NTNG1: variants seen among roughly 807,000 people sequenced by gnomAD.
NTNG1 encodes netrin G1, also known as netrin-G1.
In NTNG1, 16 loss-of-function variants were observed where a neutral mutation model predicts 54.0. That is an observed-to-expected ratio of 0.30 (90% CI 0.20 to 0.45). The LOEUF (loss-of-function observed/expected upper bound fraction) is 0.45, where lower values mean the gene tolerates loss of function less well. Among genes scored for constraint, NTNG1 ranks in the 20% least tolerant of loss-of-function variants. NTNG1 has a pLI of 1.00. For missense variants in NTNG1, 530 were observed against 678.7 expected (o/e 0.78, Z 2.43); for synonymous variants, 255 against 263.1 (o/e 0.97, Z 0.30).
chr1:107,258,775 G>A lies in NTNG1; in HGVS notation c.247-65507G>A, dbSNP rs373314802. ...ACAAGGGAGAGAGTTCAGATTCCAC[G>A]CAGTCAGCCCACTTTGGCAGGCGCA... On this transcript the variant is annotated intron_variant, in intron 2 of 7. Transcript: ENST00000370068. Among the ~76,000 whole-genome samples, 12 of 152,308 alleles carry A rather than the reference G, an allele frequency of 7.9e-5. No individual in the cohort carries two copies. The South Asian group carries it at 2.1e-3, about 26-fold the overall frequency.
intron 2 of NTNG1, among the ~76,000 whole-genome samples, chr1:107,170,402 T>A (rs1265509683): frequency 2.0e-5 from 3 of 152,244 alleles, no homozygotes; most frequent in African/African-American, 7.2e-5. Context: ...TTTATTTATC[T>A]TTATGATCAT....
At chr1:107,246,660 C>T (rs896062659) in intron 2 of NTNG1, among the ~76,000 whole-genome samples, 1 of 151,724 alleles carries the variant, frequency 6.6e-6, no homozygotes, top group African/African-American at 2.4e-5. Flanking sequence ...TTTTTTATTG[C>T]GGTAGCTACT....
chr1:107,146,533 C>G (rs540428104), intron 1 of NTNG1, among the ~76,000 whole-genome samples: 1 of 151,872 alleles, frequency 6.6e-6, no homozygotes, highest in Admixed American at 6.6e-5. Flanking sequence ...TTCTTTTTAG[C>G]TTAAGATTTC....
At chr1:107,381,977 G>A (rs768490788) in intron 3 of NTNG1, among the ~76,000 whole-genome samples, 34 of 152,176 alleles carry the variant, frequency 2.2e-4, no homozygotes, top group Non-Finnish European at 1.5e-5. Context: ...AGGCCCCAGG[G>A]CCAATTTTCA....
chr1:107,369,544 T>C (rs888681225), intron 3 of NTNG1, among the ~76,000 whole-genome samples: 1 of 152,184 alleles, frequency 6.6e-6, no homozygotes, highest in Admixed American at 6.5e-5. Context: ...TATATCTTTC[T>C]TGGTGAAGTG....
chr1:107,192,148 C>T (rs532983484), intron 2 of NTNG1, among the ~76,000 whole-genome samples: 233 of 152,090 alleles, frequency 1.5e-3, no homozygotes, highest in African/African-American at 5.1e-3. Flanking sequence ...CTTGACATCC[C>T]TTGTAAGTTG....
intron 2 of NTNG1, among the ~76,000 whole-genome samples, chr1:107,257,716 A>AC (rs1331374988): frequency 2.1e-4 from 32 of 152,284 alleles, no homozygotes; most frequent in Non-Finnish European, 4.1e-4. Context: ...AGCTGAGAGA[A>AC]CCCTTCCACA....
intron 2 of NTNG1, among the ~76,000 whole-genome samples, chr1:107,294,432 T>A (rs1043078366): frequency 2.0e-4 from 30 of 152,276 alleles, no homozygotes; most frequent in East Asian, 3.9e-4. Flanking sequence ...GCCATATGTC[T>A]AACCAAGCCT....
intron 2 of NTNG1, among the ~76,000 whole-genome samples, chr1:107,302,777 C>G (rs1191848760): frequency 6.6e-6 from 1 of 152,050 alleles, no homozygotes; most frequent in Non-Finnish European, 1.5e-5. Context: ...AGAAATATTT[C>G]TTTTTAGAGG....
intron 7 of NTNG1, among the ~76,000 whole-genome samples, chr1:107,455,211 G>A (rs1676871573): frequency 2.0e-5 from 3 of 152,104 alleles, no homozygotes; most frequent in Admixed American, 2.0e-4. Context: ...TTACAGGCAT[G>A]TGCCACCATG....
At chr1:107,160,233 C>T (rs1021062669) in intron 2 of NTNG1, among the ~76,000 whole-genome samples, 1 of 152,116 alleles carries the variant, frequency 6.6e-6, no homozygotes, top group Non-Finnish European at 1.5e-5. Flanking sequence ...TCTAGTATTT[C>T]CCATATCTGT....
intron 2 of NTNG1, among the ~76,000 whole-genome samples, chr1:107,239,364 A>G (rs1318619432): frequency 6.6e-6 from 1 of 152,240 alleles, no homozygotes; most frequent in East Asian, 1.9e-4. Context: ...TGGAATGGAA[A>G]TGAATGGGTG....
At chr1:107,283,875 T>A (rs1479120470) in intron 2 of NTNG1, among the ~76,000 whole-genome samples, 3 of 152,212 alleles carry the variant, frequency 2.0e-5, no homozygotes, top group Non-Finnish European at 4.4e-5. Flanking sequence ...TTCATTTGCA[T>A]GCCCTTAATT....
intron 3 of NTNG1, among the ~76,000 whole-genome samples, chr1:107,370,196 C>T (rs930054283): frequency 2.7e-5 from 4 of 149,280 alleles, no homozygotes; most frequent in African/African-American, 9.9e-5. Context: ...ATTCTAAGCC[C>T]TTTACATTTC....
chr1:107,465,506 A>G lies in NTNG1; in HGVS notation c.1391-15105A>G, dbSNP rs142969398. On this transcript the variant is annotated intron_variant, in intron 7 of 7. Coordinates refer to ENST00000370068, the MANE Select transcript of NTNG1 (RefSeq NM_001113226.3). The stretch of plus-strand genomic sequence containing the variant: ...AGAGTCATATAAAGCTTACATTTCT[A>G]TCTATGTCTATATCTTTATCTAGAT... Among the ~76,000 whole-genome samples, 564 of 152,314 alleles carry G rather than the reference A, an allele frequency of 3.7e-3. 4 individuals are homozygous for G. The highest frequency in any genetic ancestry group is 0.013 in the African/African-American group (541 of 41,562).
rs59822251 is a variant in NTNG1, at chr1:107,398,710, C to A, written c.1060+3384C>A. 0.011 allele frequency among the ~76,000 whole-genome samples: 1,727 copies of A among 152,206 alleles called. 91 individuals are homozygous for A. In the East Asian group the frequency reaches 0.18, roughly 15 times the overall value. Reference sequence around the variant, plus strand: ...AAGCCATGCACATGTATATCAAAATCTTTTCTTTCTTTTTCTACAAAGCTT... The same window carrying A: ...AAGCCATGCACATGTATATCAAAATATTTTCTTTCTTTTTCTACAAAGCTT... On this transcript the variant is annotated intron_variant, in intron 4 of 7. Coordinates refer to ENST00000370068, the MANE Select transcript of NTNG1 (RefSeq NM_001113226.3).
chr1:107,483,589 G>C lies in NTNG1; in HGVS notation c.*2749G>C, dbSNP rs1330181416. ...TGTTACTTTCCAGCATTCTTACAAA[G>C]CTGGTTTCATCTACAATGTTGTGCC... On this transcript the variant is annotated 3_prime_UTR_variant, in exon 8 of 8. Transcript: ENST00000370068. 6.6e-6 allele frequency: 1 copy of C among 152,214 alleles called. No homozygotes were observed. The highest frequency in any genetic ancestry group is 2.4e-5 in the African/African-American group (1 of 41,448). 9.4% of individuals were successfully genotyped at this position (152,214 alleles called of 1,614,324 possible). A position where few individuals can be genotyped will look rare whatever the true frequency, so the allele number is the denominator to read the frequency against.
intron 2 of NTNG1, among the ~76,000 whole-genome samples, chr1:107,287,878 G>A (rs1665299097): frequency 6.6e-6 from 1 of 151,980 alleles, no homozygotes; most frequent in African/African-American, 2.4e-5. Flanking sequence ...TATAATATAA[G>A]GTAATATAAG....
chr1:107,291,594 AT>A (rs1665607778), intron 2 of NTNG1, among the ~76,000 whole-genome samples: 1 of 152,236 alleles, frequency 6.6e-6, no homozygotes, highest in South Asian at 2.1e-4. Flanking sequence ...AATTCAAAAA[AT>A]ATTGCTGATT....
Sources: gnomAD v4.1 joint callset for allele counts (sites outside exome capture counted in the v4.1 genomes callset) on GRCh38, gnomAD v4.1.1 for gene constraint, MANE v1.5 for transcripts, NCBI Gene and HGNC (gene_info 2026-07-23, HGNC 2026-07-21) for gene names.